Variants in C2CD5 observed in about 807,000 individuals in gnomAD.
C2CD5 encodes C2 calcium dependent domain containing 5.
A neutral mutation model predicts 130.3 loss-of-function variants in C2CD5; 109 were observed. The observed-to-expected ratio is 0.84, with a 90% confidence interval of 0.72 to 0.98. The LOEUF is 0.98. Among genes scored for constraint, C2CD5 ranks in the 50% least tolerant of loss-of-function variants. C2CD5 has a pLI of 0.00. For missense variants in C2CD5, 996 were observed against 1,261.8 expected, an observed-to-expected ratio of 0.79 and a Z score of 3.19; for synonymous variants, 454 against 429.2, an observed-to-expected ratio of 1.06 and a Z score of -0.71.
intron 13 of C2CD5, among the ~76,000 whole-genome samples, 193 bp from the exon 14 acceptor site, chr12:22,482,936 G>A (rs1261763593): frequency 6.6e-6 from 1 of 151,880 alleles, no homozygotes; most frequent in Non-Finnish European, 1.5e-5. Context: ...TTCATAACAG[G>A]TACAAAAAAA....
At chr12:22,466,333 AC>A in intron 22 of C2CD5, among the ~76,000 whole-genome samples, 1 of 152,010 alleles carries the variant, frequency 6.6e-6, no homozygotes, top group Non-Finnish European at 1.5e-5. Flanking sequence ...ACCTTATTTA[AC>A]TTAACAAAAT....
chr12:22,528,171 C>A (rs1050129577), intron 3 of C2CD5, among the ~76,000 whole-genome samples: 8 of 152,058 alleles, frequency 5.3e-5, no homozygotes, highest in Non-Finnish European at 1.0e-4. Flanking sequence ...ACATATTATC[C>A]TGTGTTTTAC....
Position 22,486,901 on chromosome 12 carries a change from C to T in C2CD5, c.1359-2013G>A, listed in dbSNP as rs955948818. Among the ~76,000 whole-genome samples the T allele has an allele frequency of 2.6e-5, 4 of 152,058 alleles. No individual in the cohort carries two copies. The South Asian group carries it at 6.2e-4, about 24-fold the overall frequency. On this transcript the variant is annotated intron_variant, in intron 12 of 26. Coordinates refer to ENST00000446597, the MANE Select transcript of C2CD5 (RefSeq NM_001286176.2). ...AACAGAGCCCTCAGAAATAATGCCA[C>T]GCATCTACAACTATCTGATTTTTGA...
Position 22,518,137 on chromosome 12 carries a change from C to A in C2CD5, c.801G>T (p.Glu267Asp). 3 of 1,613,516 alleles carry A rather than the reference C, an allele frequency of 1.9e-6. No homozygotes were observed. Among genetic ancestry groups the A allele is most frequent in the Non-Finnish European group, 1.7e-6 (2 of 1,179,576 alleles). ...GATTGGGATCTTCATTGAAGGGAAT[C>A]CTGCCAGAAGAAGGTGGAGAAATAT... ...ACNSPSKEMK[E>D]IPFNEDPNPN... Residue 267 changes from glutamate to aspartate, a missense_variant and splice_region_variant, in exon 8 of 27, where the codon GAG becomes GAT. Transcript: ENST00000446597.
At chr12:22,535,681 T>C (rs904712882) in intron 2 of C2CD5, among the ~76,000 whole-genome samples, 1 of 152,122 alleles carries the variant, frequency 6.6e-6, no homozygotes, top group South Asian at 2.1e-4. Context: ...GTCACAGAAA[T>C]GGAAATACAG....
At chr12:22,467,276 T>G (rs1279912954) in intron 22 of C2CD5, among the ~76,000 whole-genome samples, 1 of 152,082 alleles carries the variant, frequency 6.6e-6, no homozygotes, top group Non-Finnish European at 1.5e-5. Flanking sequence ...GCTCAGGTGA[T>G]TCTACCACCC....
intron 10 of C2CD5, among the ~76,000 whole-genome samples, chr12:22,504,892 T>G (rs1180817416): frequency 2.6e-5 from 4 of 152,228 alleles, no homozygotes; most frequent in Admixed American, 2.6e-4. Flanking sequence ...GAATTTTTCT[T>G]AAGTACTGTA....
intron 3 of C2CD5, among the ~76,000 whole-genome samples, chr12:22,533,835 C>T (rs138657746): frequency 4.6e-4 from 70 of 152,340 alleles, no homozygotes; most frequent in African/African-American, 1.6e-3. Context: ...AGAACAGTCT[C>T]TTCAACAAAT....
chr12:22,533,598 C>T (rs901426808), intron 3 of C2CD5, among the ~76,000 whole-genome samples: 7 of 152,074 alleles, frequency 4.6e-5, no homozygotes, highest in African/African-American at 1.4e-4. Context: ...AGTAACACAA[C>T]GGACTTCCTA....
rs773479631 is a variant in C2CD5, at chr12:22,490,146, G to A, written c.1335C>T (p.Thr445=). Residue 445 remains threonine (T), a synonymous_variant, in exon 12 of 27, where the codon ACC becomes ACT. Coordinates refer to ENST00000446597, the MANE Select transcript of C2CD5 (RefSeq NM_001286176.2). The part of the protein sequence containing the change: ...VLNPRFLQDG[T]VEGCLEQRLE... ...ACCTCTGTTCCAAACAGCCTTCCAC[G>A]GTGCCATCCTGCAGAAATCTAGGAT... 34 of 1,613,302 alleles carry A rather than the reference G, an allele frequency of 2.1e-5. No individual in the cohort carries two copies. Among genetic ancestry groups the A allele is most frequent in the African/African-American group, 1.1e-4 (8 of 74,880 alleles).
At chr12:22,479,593 G>C (rs1410613427) in intron 14 of C2CD5, among the ~76,000 whole-genome samples, 1 of 152,128 alleles carries the variant, frequency 6.6e-6, no homozygotes, top group Non-Finnish European at 1.5e-5. Context: ...GATCTGAACT[G>C]AGTGTTTCTC....
intron 4 of C2CD5, 46 bp from the exon 5 acceptor site, chr12:22,525,751 T>G (rs754382087): frequency 2.3e-6 from 2 of 877,690 alleles, no homozygotes; most frequent in Admixed American, 2.0e-5. Flanking sequence ...AAGAAAGTAA[T>G]GTACAATTAA....
At chr12:22,499,502 A>G (rs770307836) in intron 10 of C2CD5, among the ~76,000 whole-genome samples, 23 of 152,164 alleles carry the variant, frequency 1.5e-4, no homozygotes, top group Admixed American at 5.9e-4. Context: ...AAAGCACTTA[A>G]AAGAGTACGT....
At chr12:22,504,635 A>T (rs187298319) in intron 10 of C2CD5, among the ~76,000 whole-genome samples, 1 of 152,316 alleles carries the variant, frequency 6.6e-6, no homozygotes, top group East Asian at 1.9e-4. Context: ...AGCAGAAGAC[A>T]TCTAGTAATT....
At chr12:22,517,010 C>T (rs1334938412) in intron 8 of C2CD5, among the ~76,000 whole-genome samples, 1 of 151,840 alleles carries the variant, frequency 6.6e-6, no homozygotes, top group African/African-American at 2.4e-5. Flanking sequence ...TTTACGACTT[C>T]ATTTATAAAA....
intron 8 of C2CD5, among the ~76,000 whole-genome samples, chr12:22,514,440 C>T (rs540490091): frequency 1.3e-5 from 2 of 151,828 alleles, no homozygotes; most frequent in Middle Eastern, 3.4e-3. Flanking sequence ...GATCTTTATA[C>T]GAAGCATATT....
At chr12:22,456,172 TGAA>T (rs1939813672) in intron 25 of C2CD5, among the ~76,000 whole-genome samples, 1 of 152,186 alleles carries the variant, frequency 6.6e-6, no homozygotes, top group Non-Finnish European at 1.5e-5. Flanking sequence ...ATACTGCTGG[TGAA>T]GAAGGGCACA....
At chr12:22,510,987 ATTTAC>A (rs1423120654) in intron 9 of C2CD5, among the ~76,000 whole-genome samples, 1 of 152,068 alleles carries the variant, frequency 6.6e-6, no homozygotes, top group Non-Finnish European at 1.5e-5. Flanking sequence ...TTAAATATCT[ATTTAC>A]TTTACATCAA....
At chr12:22,488,403 G>A (rs1945861539) in intron 12 of C2CD5, among the ~76,000 whole-genome samples, 3 of 151,190 alleles carry the variant, frequency 2.0e-5, no homozygotes, top group Admixed American at 1.3e-4. Flanking sequence ...AATTTTTATA[G>A]CAGAAAGAAA....
Sources: gnomAD v4.1 joint callset for allele counts (sites outside exome capture counted in the v4.1 genomes callset) on GRCh38, gnomAD v4.1.1 for gene constraint, MANE v1.5 for transcripts, NCBI Gene and HGNC (gene_info 2026-07-23, HGNC 2026-07-21) for gene names.